The following COL4A4 variants were observed in gnomAD, a reference collection of about 807,000 sequenced individuals.
COL4A4 encodes collagen alpha-4(IV) chain.
COL4A4 carries 105 observed loss-of-function variants against 192.9 expected under a neutral mutation model. The observed-to-expected ratio is 0.54, with a 90% CI of 0.46 to 0.64. The LOEUF (loss-of-function observed/expected upper bound fraction) is 0.64, where lower values mean the gene tolerates loss of function less well. Ranked by LOEUF, COL4A4 falls within the 30% of genes least tolerant of loss-of-function variation. The probability of loss-of-function intolerance (pLI) is 0.00; values close to 1 mark genes in which losing one functional copy is unlikely to be tolerated. For synonymous variants in COL4A4, 762 were observed against 769.9 expected (o/e 0.99, Z 0.17); for missense variants, 1,967 against 2,169.3 (o/e 0.91, Z 1.85).
intron 1 of COL4A4, among the ~76,000 whole-genome samples, chr2:227,147,815 ATAT>A (rs970093007): frequency 2.7e-5 from 4 of 148,916 alleles, no homozygotes; most frequent in African/African-American, 7.3e-5. Flanking sequence ...TTATGTGTAT[ATAT>A]TATATTTTTA....
chr2:227,073,777 CA>C (rs1463955269), intron 25 of COL4A4, among the ~76,000 whole-genome samples: 1 of 151,746 alleles, frequency 6.6e-6, no homozygotes, highest in Non-Finnish European at 1.5e-5. Context: ...ACAAAGCATA[CA>C]AAAACAAAAA....
intron 24 of COL4A4, 100 bp downstream of exon 24, chr2:227,080,343 T>C: frequency 9.3e-7 from 1 of 1,070,138 alleles, no homozygotes; most frequent in South Asian, 1.2e-5. Flanking sequence ...TGTTGATATT[T>C]TACTGAATTT....
intron 4 of COL4A4, among the ~76,000 whole-genome samples, chr2:227,136,071 T>C (rs2125235528): frequency 6.6e-6 from 1 of 152,342 alleles, no homozygotes; most frequent in Admixed American, 6.5e-5. Context: ...GCAAACTATA[T>C]TTCAAGGGTG....
At chr2:227,083,732 GCCA>G (rs2059439177) in intron 22 of COL4A4, among the ~76,000 whole-genome samples, 1 of 152,180 alleles carries the variant, frequency 6.6e-6, no homozygotes, top group East Asian at 1.9e-4. Flanking sequence ...ACAGGAGTAA[GCCA>G]CCACACCTGG....
intron 5 of COL4A4, 84 bp downstream of exon 5, chr2:227,120,930 C>T (rs1337646852): frequency 9.0e-6 from 14 of 1,558,674 alleles, no homozygotes; most frequent in Non-Finnish European, 1.1e-5. Flanking sequence ...CAGAGTAAGA[C>T]TGTCTAAAAA....
chr2:227,132,619 T>C, intron 4 of COL4A4, among the ~76,000 whole-genome samples: 1 of 151,886 alleles, frequency 6.6e-6, no homozygotes, highest in Middle Eastern at 3.2e-3. Context: ...CTACTAAAAA[T>C]ACAAAAATTA....
chr2:227,100,424 T>C (rs2060443459), intron 17 of COL4A4, among the ~76,000 whole-genome samples: 1 of 149,810 alleles, frequency 6.7e-6, no homozygotes, highest in Admixed American at 6.6e-5. Flanking sequence ...GTCAGCACTC[T>C]TATAAAAAAT....
intron 22 of COL4A4, among the ~76,000 whole-genome samples, chr2:227,084,380 A>T (rs1165821959): frequency 2.6e-5 from 4 of 152,186 alleles, no homozygotes; most frequent in African/African-American, 9.6e-5. Flanking sequence ...ACCTTGGAAG[A>T]ATGAACCCAT....
chr2:226,969,251 T>C, the COL4A4 span: 2 of 152,102 alleles, frequency 1.3e-5, no homozygotes, highest in African/African-American at 4.8e-5. Context: ...CTAAAATTTG[T>C]GTTTTTAAGA....
At chr2:227,041,852 A>AG (rs1971334980) in intron 37 of COL4A4, among the ~76,000 whole-genome samples, 9 of 71,360 alleles carry the variant, frequency 1.3e-4, no homozygotes, top group African/African-American at 3.4e-4. Flanking sequence ...AAGAAAGAGA[A>AG]AGAAAGAAAG....
intron 8 of COL4A4, among the ~76,000 whole-genome samples, chr2:227,114,270 A>G (rs2061371330): frequency 6.6e-6 from 1 of 152,222 alleles, no homozygotes; most frequent in South Asian, 2.1e-4. Flanking sequence ...TTGGCGTCTA[A>G]TGAGTAGAGG....
At chr2:227,071,825 G>A (rs2058741535) in intron 25 of COL4A4, among the ~76,000 whole-genome samples, 1 of 152,034 alleles carries the variant, frequency 6.6e-6, no homozygotes, top group South Asian at 2.1e-4. Context: ...AATCAGGATG[G>A]ACATTTAAAA....
At chr2:227,136,014 A>G (rs943986455) in intron 4 of COL4A4, among the ~76,000 whole-genome samples, 5 of 150,868 alleles carry the variant, frequency 3.3e-5, no homozygotes, top group Non-Finnish European at 7.4e-5. Context: ...ATAATCTCAA[A>G]GTACAAAAAA....
intron 40 of COL4A4, 108 bp from the exon 41 acceptor site, chr2:227,030,706 A>C (rs1968101347): frequency 7.7e-6 from 6 of 775,974 alleles, no homozygotes; most frequent in Non-Finnish European, 1.2e-5. Context: ...GCAAGCAAGG[A>C]ATAAAGAGAA....
intron 34 of COL4A4, among the ~76,000 whole-genome samples, chr2:227,048,525 C>T (rs1471119524): frequency 6.6e-6 from 1 of 151,900 alleles, no homozygotes; most frequent in East Asian, 1.9e-4. Context: ...ACTGTGTAGA[C>T]AGAGATGAAG....
At chr2:227,150,169 G>A (rs1226077453) in intron 1 of COL4A4, among the ~76,000 whole-genome samples, 1 of 152,156 alleles carries the variant, frequency 6.6e-6, no homozygotes, top group Non-Finnish European at 1.5e-5. Context: ...TAGGGGATAT[G>A]AAAGGAGACT....
At chr2:227,099,087 T>A (rs552678198) in intron 18 of COL4A4, among the ~76,000 whole-genome samples, 1 of 152,166 alleles carries the variant, frequency 6.6e-6, no homozygotes, top group Non-Finnish European at 1.5e-5. Flanking sequence ...TTTGTTTTTG[T>A]TTTCAGACGG....
intron 40 of COL4A4, among the ~76,000 whole-genome samples, chr2:227,031,667 G>A (rs1301463085): frequency 4.6e-5 from 7 of 152,164 alleles, no homozygotes; most frequent in Admixed American, 3.3e-4. Flanking sequence ...TCAAGCTGGT[G>A]ATAAGAAACG....
chr2:227,151,304 A>C (rs1411823743), intron 1 of COL4A4, among the ~76,000 whole-genome samples: 1 of 152,244 alleles, frequency 6.6e-6, no homozygotes. Context: ...TTAGTAGTAT[A>C]TAATTCATCA....
Sources: gnomAD v4.1 joint callset for allele counts (sites outside exome capture counted in the v4.1 genomes callset) on GRCh38, gnomAD v4.1.1 for gene constraint, MANE v1.5 for transcripts, NCBI Gene and HGNC (gene_info 2026-07-23, HGNC 2026-07-21) for gene names.